ABCA12: variants seen among roughly 807,000 people sequenced by gnomAD.
ABCA12 encodes the protein ATP binding cassette subfamily A member 12.
ABCA12 carries 156 observed loss-of-function variants against 293.5 expected under a neutral mutation model. The observed-to-expected ratio is 0.53, with a 90% CI of 0.47 to 0.61. The LOEUF (loss-of-function observed/expected upper bound fraction) is 0.61. Among genes scored for constraint, ABCA12 ranks in the 20% least tolerant of loss-of-function variants. ABCA12 has a pLI of 0.00. For missense variants in ABCA12, 2,797 were observed against 3,090.2 expected (o/e 0.91, Z 2.25); for synonymous variants, 1,063 against 1,108.0 (o/e 0.96, Z 0.81).
intron 33 of ABCA12, among the ~76,000 whole-genome samples, chr2:214,977,117 G>A (rs973713883): frequency 6.6e-6 from 1 of 152,212 alleles, no homozygotes; most frequent in African/African-American, 2.4e-5. Context: ...TGTAGAAGGA[G>A]CTGAATATTT....
At chr2:215,036,548 C>T (rs962491042) in intron 8 of ABCA12, among the ~76,000 whole-genome samples, 2 of 152,022 alleles carry the variant, frequency 1.3e-5, no homozygotes, top group African/African-American at 4.8e-5. Flanking sequence ...TGACTCACTA[C>T]CAACATGTTA....
intron 28 of ABCA12, 83 bp downstream of exon 28, chr2:214,986,459 A>G (rs1003890862): frequency 2.0e-5 from 26 of 1,285,324 alleles, no homozygotes; most frequent in African/African-American, 7.5e-5. Flanking sequence ...TATGTTTTAT[A>G]AACATAGGTT....
chr2:215,054,054 A>C (rs1254732971), intron 4 of ABCA12, among the ~76,000 whole-genome samples: 5 of 152,066 alleles, frequency 3.3e-5, no homozygotes, highest in Admixed American at 6.6e-5. Context: ...GTCACACTGA[A>C]GACTGTGATA....
intron 30 of ABCA12, 78 bp downstream of exon 30, chr2:214,982,109 G>A: frequency 1.4e-6 from 2 of 1,475,628 alleles, no homozygotes; most frequent in Non-Finnish European, 1.9e-6. Flanking sequence ...ACTGCACCCA[G>A]CCTCAGTTTG....
chr2:215,018,118 T>C lies in ABCA12; in HGVS notation c.1672A>G (p.Met558Val). The change falls in exon 14 of 53, where the codon ATG becomes GTG. Residue 558 changes from methionine (M) to valine (V), a missense_variant. By Grantham distance (21) the Met-to-Val change is conservative. Coordinates refer to ENST00000272895, the MANE Select transcript of ABCA12 (RefSeq NM_173076.3). ...TTCAGCTCTTCAACATTTTTAAACA[T>C]TTCTAGTAACTGACCTGCAAGAAGA... ...ASEKPGQLLE[M>V]FKNVEELKED... 1 of 1,613,392 alleles carries C rather than the reference T, an allele frequency of 6.2e-7. No homozygotes were observed. The highest frequency in any genetic ancestry group is 8.5e-7 in the Non-Finnish European group (1 of 1,179,808).
intron 2 of ABCA12, among the ~76,000 whole-genome samples, chr2:215,103,286 TG>T (rs1702396487): frequency 6.7e-6 from 1 of 149,424 alleles, no homozygotes. Context: ...TTTTTTTTTT[TG>T]AGACAGAGTT....
intron 10 of ABCA12, 75 bp from the exon 11 acceptor site, chr2:215,025,854 T>C (rs1321542812): frequency 1.1e-5 from 10 of 951,994 alleles, no homozygotes; most frequent in African/African-American, 1.6e-5. Context: ...AAGACACCTC[T>C]ATCCTGACTT....
chr2:215,085,836 A>G (rs1181676398), intron 2 of ABCA12, among the ~76,000 whole-genome samples: 1 of 152,254 alleles, frequency 6.6e-6, no homozygotes, highest in Non-Finnish European at 1.5e-5. Context: ...CTGCTTCCAC[A>G]AGAACATCAA....
chr2:214,954,773 C>A (rs1267422206), intron 43 of ABCA12, among the ~76,000 whole-genome samples: 1 of 152,120 alleles, frequency 6.6e-6, no homozygotes, highest in Non-Finnish European at 1.5e-5. Flanking sequence ...ATGAAGTAGT[C>A]TCCAATACAT....
At chr2:215,094,562 G>A (rs1702212159) in intron 2 of ABCA12, among the ~76,000 whole-genome samples, 1 of 152,026 alleles carries the variant, frequency 6.6e-6, no homozygotes, top group South Asian at 2.1e-4. Context: ...TTCTATGTAG[G>A]TCACAAGCCA....
At chr2:215,062,443 T>C (rs573090507) in intron 3 of ABCA12, among the ~76,000 whole-genome samples, 1 of 152,122 alleles carries the variant, frequency 6.6e-6, no homozygotes, top group Non-Finnish European at 1.5e-5. Context: ...TCATAGACAA[T>C]GTATCATGTC....
intron 41 of ABCA12, among the ~76,000 whole-genome samples, chr2:214,957,184 C>T (rs538451223): frequency 6.6e-6 from 1 of 152,330 alleles, no homozygotes; most frequent in African/African-American, 2.4e-5. Flanking sequence ...ATTTCTAAAG[C>T]TTGGTTATCA....
At chr2:215,026,694 G>C (rs1700752168) in intron 10 of ABCA12, 126 bp downstream of exon 10, 1 of 789,546 alleles carries the variant, frequency 1.3e-6, no homozygotes, top group African/African-American at 1.7e-5. Context: ...GACTGAAACT[G>C]ATGCATATGG....
chr2:215,000,421 T>C (rs962267371), intron 22 of ABCA12, among the ~76,000 whole-genome samples: 8 of 152,170 alleles, frequency 5.3e-5, no homozygotes, highest in African/African-American at 1.7e-4. Context: ...CATGCAGCAA[T>C]GTACTCAGGT....
rs1258416222 is a variant in ABCA12 at position 215,013,618 on chromosome 2, C to T, written c.1957-1483G>A. On this transcript the variant is annotated intron_variant, in intron 15 of 52. Transcript: ENST00000272895. ...AATAAATTGGCATGCCGACGTTTAA[C>T]GGCTAGACTCAACAGCAAATATTTA... 1.9e-5 allele frequency: 3 copies of T among 154,436 alleles called. No individual in the cohort carries two copies. In the Middle Eastern group the frequency reaches 1.6e-3, roughly 80 times the overall value. 9.6% of individuals were successfully genotyped at this position (154,436 alleles called of 1,614,324 possible). A position where few individuals can be genotyped will look rare whatever the true frequency, so the allele number is the denominator to read the frequency against.
chr2:214,944,743 A>T (rs756082744), intron 49 of ABCA12, among the ~76,000 whole-genome samples: 17 of 152,072 alleles, frequency 1.1e-4, no homozygotes, highest in Non-Finnish European at 1.8e-4. Flanking sequence ...CCACCACAGG[A>T]ACTATATTCT....
At chr2:215,091,808 C>G (rs1702152869) in intron 2 of ABCA12, among the ~76,000 whole-genome samples, 1 of 152,202 alleles carries the variant, frequency 6.6e-6, no homozygotes, top group African/African-American at 2.4e-5. Flanking sequence ...CTTCAAAATG[C>G]CTAAACTGCA....
chr2:215,082,369 C>A (rs956424736), intron 2 of ABCA12, among the ~76,000 whole-genome samples: 20 of 152,086 alleles, frequency 1.3e-4, no homozygotes, highest in African/African-American at 4.8e-4. Context: ...CCTTCCCACC[C>A]TCAGGATAAA....
intron 2 of ABCA12, among the ~76,000 whole-genome samples, chr2:215,075,972 C>T (rs749115776): frequency 6.6e-6 from 1 of 152,190 alleles, no homozygotes; most frequent in Non-Finnish European, 1.5e-5. Context: ...GGTTCCAGAT[C>T]CTATCACTCC....
Sources: allele counts gnomAD v4.1 joint callset (sites outside exome capture counted in the v4.1 genomes callset), GRCh38; gene constraint gnomAD v4.1.1; transcripts MANE v1.5; gene names NCBI Gene and HGNC (gene_info 2026-07-23, HGNC 2026-07-21).